Variants in KIF1A observed in about 807,000 individuals in gnomAD.
KIF1A encodes kinesin family member 1A, also known as kinesin-like protein KIF1A.
Under a neutral mutation model 227.3 loss-of-function variants are expected in KIF1A, and 46 were observed. The ratio of observed to expected loss-of-function variants is 0.20; its 90% confidence interval spans 0.16 to 0.26. The LOEUF is 0.26. Among genes scored for constraint, KIF1A ranks in the 10% least tolerant of loss-of-function variants. The pLI, the probability that KIF1A is intolerant of heterozygous loss-of-function variation, is 1.00. For missense variants in KIF1A, 1,683 were observed against 2,485.9 expected, an observed-to-expected ratio of 0.68 and a Z score of 6.87; for synonymous variants, 1,022 against 1,012.8, an observed-to-expected ratio of 1.01 and a Z score of -0.17.
At chr2:240,781,619 G>A (rs1180847034) in intron 10 of KIF1A, among the ~76,000 whole-genome samples, 1 of 151,700 alleles carries the variant, frequency 6.6e-6, no homozygotes, top group Non-Finnish European at 1.5e-5. Context: ...GTTCCACGCG[G>A]TTATCACCGC....
chr2:240,726,584 C>T lies in KIF1A; in HGVS notation c.4122+242G>A, dbSNP rs1197118840. Among the ~76,000 whole-genome samples, 1 of 151,762 alleles carries T rather than the reference C, an allele frequency of 6.6e-6. No homozygotes were observed. The highest frequency in any genetic ancestry group is 2.4e-5 in the African/African-American group (1 of 41,266). ...CTGCGCCATTGCACTCCAGCCTGGG[C>T]GACAAGAGTGAGACTCGGTCTCAAA... On this transcript the variant is annotated intron_variant, in intron 39 of 48. Transcript: ENST00000498729. The surrounding 1 kb of genome is among the most constrained non-coding windows in gnomAD (Gnocchi z 5.2).
chr2:240,818,590 T>C (rs1251003222), intron 1 of KIF1A: 1 of 153,086 alleles, frequency 6.5e-6, no homozygotes, highest in African/African-American at 2.4e-5. Context: ...CTAAGGCTGG[T>C]GGCCAACCAC....
rs2049383539 is a variant in KIF1A at position 240,752,820 on chromosome 2, G to C, written c.2859-2273C>G. ...CTCTGCAGGAAGCCCATGGGGTGGT[G>C]CTCGGAGAGGGGGCAGGACCTGGGA... On this transcript the variant is annotated intron_variant, in intron 27 of 48. Coordinates refer to ENST00000498729, the MANE Select transcript of KIF1A (RefSeq NM_001244008.2). The surrounding 1 kb of genome is among the most constrained non-coding windows in gnomAD (Gnocchi z 6.4). Among the ~76,000 whole-genome samples, 1 of 152,168 alleles carries C rather than the reference G, an allele frequency of 6.6e-6. No individual in the cohort carries two copies. Among genetic ancestry groups the C allele is most frequent in the South Asian group, 2.1e-4 (1 of 4,828 alleles).
At chr2:240,742,436 T>C (rs1241923400) in intron 34 of KIF1A, among the ~76,000 whole-genome samples, 1 of 152,080 alleles carries the variant, frequency 6.6e-6, no homozygotes, top group Non-Finnish European at 1.5e-5. Flanking sequence ...TAAACTCCAC[T>C]CTTTTAACTA....
At chr2:240,737,942 C>A (rs1340125278) in intron 37 of KIF1A, among the ~76,000 whole-genome samples, 1 of 152,250 alleles carries the variant, frequency 6.6e-6, no homozygotes, top group Non-Finnish European at 1.5e-5. Context: ...GATGGGTGCA[C>A]ACTGGGCCTG....
chr2:240,819,747 G>C (rs1205041357), intron 1 of KIF1A, among the ~76,000 whole-genome samples: 2 of 152,160 alleles, frequency 1.3e-5, no homozygotes, highest in Non-Finnish European at 2.9e-5. Context: ...CTCCTCTCCA[G>C]GGAAGCGGAA....
chr2:240,797,757 G>C lies in KIF1A; in HGVS notation c.-5C>G. The C allele has an allele frequency of 6.3e-7, 1 of 1,595,842 alleles. No individual in the cohort carries two copies. The highest frequency in any genetic ancestry group is 8.6e-7 in the Non-Finnish European group (1 of 1,168,288). ...CTTCACCGAAGCCCCGGCCATCTCT[G>C]TGGCCTTCGTGGGTCACTCCTCGCA... On this transcript the variant is annotated 5_prime_UTR_variant, in exon 2 of 49. Transcript: ENST00000498729.
intron 25 of KIF1A, among the ~76,000 whole-genome samples, chr2:240,760,008 C>T (rs949030719): frequency 2.6e-5 from 4 of 151,242 alleles, no homozygotes; most frequent in Non-Finnish European, 5.9e-5. Context: ...AGAGCAAGGC[C>T]CTGTCTCTTA....
At chr2:240,767,138 T>C in intron 18 of KIF1A, 117 bp from the exon 19 acceptor site, 1 of 1,110,294 alleles carries the variant, frequency 9.0e-7, no homozygotes, top group Non-Finnish European at 1.3e-6. Flanking sequence ...AGCGCAGACA[T>C]CAGTGGGGTC....
chr2:240,755,521 C>G (rs2049745721), intron 27 of KIF1A, among the ~76,000 whole-genome samples: 1 of 152,184 alleles, frequency 6.6e-6, no homozygotes, highest in Non-Finnish European at 1.5e-5. Flanking sequence ...CAACGAGGGG[C>G]CTTCCCAGGG....
At chr2:240,807,130 G>GTATATATA (rs57742435) in intron 1 of KIF1A, among the ~76,000 whole-genome samples, 11 of 119,492 alleles carry the variant, frequency 9.2e-5, no homozygotes, top group African/African-American at 2.7e-4. Flanking sequence ...GTGTGTGTGT[G>GTATATATA]TATATATATA....
rs1244887292 is a variant in KIF1A at position 240,778,362 on chromosome 2, GAC to G, written c.883-2438_883-2437del. On this transcript the variant is annotated intron_variant, in intron 10 of 48. Coordinates refer to ENST00000498729, the MANE Select transcript of KIF1A (RefSeq NM_001244008.2). The surrounding 1 kb of genome is among the most constrained non-coding windows in gnomAD (Gnocchi z 7.2). ...CCACACGCCAGTCCCCACCGTCCCT[GAC>G]ACACTCGCTCTCACGGTTCCTCACA... is the stretch of plus-strand genomic sequence containing the variant. 6.6e-6 allele frequency among the ~76,000 whole-genome samples: 1 copy of G among 151,848 alleles called. No homozygotes were observed. Among genetic ancestry groups the G allele is most frequent in the African/African-American group, 2.4e-5 (1 of 41,306 alleles).
chr2:240,723,189 AG>A (rs2045616142), intron 42 of KIF1A, among the ~76,000 whole-genome samples: 1 of 152,098 alleles, frequency 6.6e-6, no homozygotes, highest in South Asian at 2.1e-4. Context: ...GGCTAATTCC[AG>A]AGCATGCCTC....
chr2:240,763,368 G>A, intron 20 of KIF1A, 22 bp from the exon 21 acceptor site: 1 of 1,549,312 alleles, frequency 6.5e-7, no homozygotes, highest in Non-Finnish European at 8.7e-7. Flanking sequence ...AGGGACAGGT[G>A]GCCTTGAGGG....
At chr2:240,727,066 G>C in intron 38 of KIF1A, 126 bp from the exon 39 acceptor site, 1 of 583,414 alleles carries the variant, frequency 1.7e-6, no homozygotes, top group Non-Finnish European at 3.1e-6. Flanking sequence ...GGGGGCACAG[G>C]CTGGAAGCCC....
At chr2:240,784,484 C>G (rs2054461077) in intron 7 of KIF1A, among the ~76,000 whole-genome samples, 1 of 152,232 alleles carries the variant, frequency 6.6e-6, no homozygotes, top group Non-Finnish European at 1.5e-5. Context: ...CCCCCGCTCA[C>G]TGTTTCATGG....
intron 46 of KIF1A, among the ~76,000 whole-genome samples, 196 bp downstream of exon 46, chr2:240,719,578 G>C (rs960384602): frequency 1.5e-4 from 23 of 152,208 alleles, no homozygotes; most frequent in Admixed American, 1.2e-3. Context: ...GGCCCTGCCT[G>C]ACCTCCCAGC....
At position 240,771,121 on chromosome 2, in the gene KIF1A, AG is replaced by A; in HGVS notation, c.1208-18del. On this transcript the variant is annotated intron_variant, in intron 14 of 48. Coordinates refer to ENST00000498729, the MANE Select transcript of KIF1A (RefSeq NM_001244008.2). ...CATTGGTCACTGTGGAGAGAGGGTCAGGGGCTTCATTCACCGTCCCGCCACG... is the reference window on the plus strand; with the variant it reads ...CATTGGTCACTGTGGAGAGAGGGTCAGGGCTTCATTCACCGTCCCGCCACG... The A allele has an allele frequency of 1.2e-6, 2 of 1,613,254 alleles. No individual in the cohort carries two copies. Among genetic ancestry groups the A allele is most frequent in the Non-Finnish European group, 1.7e-6 (2 of 1,179,596 alleles).
intron 1 of KIF1A, among the ~76,000 whole-genome samples, chr2:240,806,624 C>A (rs911627475): frequency 6.6e-6 from 1 of 152,194 alleles, no homozygotes; most frequent in Admixed American, 6.5e-5. Context: ...CAAAGCCCAA[C>A]ATGCACTAAA....
Sources: gnomAD v4.1 joint callset for allele counts (sites outside exome capture counted in the v4.1 genomes callset) on GRCh38, gnomAD v4.1.1 for gene constraint, Gnocchi (gnomAD v3.1) non-coding constraint, MANE v1.5 for transcripts, NCBI Gene and HGNC (gene_info 2026-07-23, HGNC 2026-07-21) for gene names.